SPPL3: variants seen among roughly 807,000 people sequenced by gnomAD.
The protein encoded by SPPL3 is signal peptide peptidase-like 3.
A neutral mutation model predicts 42.4 loss-of-function variants in SPPL3; 5 were observed. That is an observed-to-expected ratio of 0.12 (90% CI 0.06 to 0.25). The LOEUF is 0.25. Among genes scored for constraint, SPPL3 ranks in the 10% least tolerant of loss-of-function variants. The probability of loss-of-function intolerance (pLI) is 1.00; values close to 1 mark genes in which losing one functional copy is unlikely to be tolerated. For synonymous variants in SPPL3, 195 were observed against 181.8 expected (o/e 1.07, Z -0.58); for missense variants, 235 against 489.0 (o/e 0.48, Z 4.90).
intron 1 of SPPL3, among the ~76,000 whole-genome samples, chr12:120,879,253 C>G (rs1055146350): frequency 6.6e-6 from 1 of 151,888 alleles, no homozygotes. Context: ...TTTTGAGTTA[C>G]ATCATCACAG....
At chr12:120,894,679 C>T (rs569408997) in intron 1 of SPPL3, among the ~76,000 whole-genome samples, 2 of 152,320 alleles carry the variant, frequency 1.3e-5, no homozygotes, top group South Asian at 4.1e-4. Flanking sequence ...GGCGCAGTGG[C>T]TCATGCCTGT....
intron 6 of SPPL3, among the ~76,000 whole-genome samples, chr12:120,774,996 T>C (rs1353766971): frequency 6.6e-6 from 1 of 152,128 alleles, no homozygotes; most frequent in African/African-American, 2.4e-5. Flanking sequence ...AACCAGTGAG[T>C]CAGGGACAAA....
rs1592974689 is a variant in SPPL3, at chr12:120,811,803, C to T, written c.24-917G>A. 2.0e-5 allele frequency among the ~76,000 whole-genome samples: 3 copies of T among 152,080 alleles called. No homozygotes were observed. The South Asian group carries it at 6.2e-4, about 31-fold the overall frequency. On this transcript the variant is annotated intron_variant, in intron 1 of 10. Transcript: ENST00000353487. The stretch of plus-strand genomic sequence containing the variant: ...TAAATAAGAGTGCCTTGGTCTCTGC[C>T]TAAATGTCTTTTCTAAAGAAATGAA...
chr12:120,864,483 C>T (rs770919338), intron 1 of SPPL3, among the ~76,000 whole-genome samples: 8 of 152,042 alleles, frequency 5.3e-5, no homozygotes, highest in Admixed American at 6.6e-5. Flanking sequence ...TGCAGCGAGC[C>T]GAGATCATGC....
chr12:120,806,844 T>TAAAA (rs766743406), intron 2 of SPPL3, among the ~76,000 whole-genome samples: 3 of 71,880 alleles, frequency 4.2e-5, no homozygotes, highest in Non-Finnish European at 7.5e-5. Flanking sequence ...GAGACTCCAT[T>TAAAA]AAAAAAAAAA....
intron 1 of SPPL3, among the ~76,000 whole-genome samples, chr12:120,865,238 G>A (rs1305584135): frequency 2.0e-5 from 3 of 152,168 alleles, no homozygotes; most frequent in Admixed American, 1.3e-4. Context: ...ACATGAAAAT[G>A]CCACTGTTTC....
At chr12:120,822,536 A>G (rs534039675) in intron 1 of SPPL3, among the ~76,000 whole-genome samples, 1 of 152,174 alleles carries the variant, frequency 6.6e-6, no homozygotes, top group Non-Finnish European at 1.5e-5. Context: ...CTGGGGGCTA[A>G]CCTCTCCTAG....
At chr12:120,854,688 C>G (rs994698330) in intron 1 of SPPL3, among the ~76,000 whole-genome samples, 1 of 152,082 alleles carries the variant, frequency 6.6e-6, no homozygotes, top group South Asian at 2.1e-4. Flanking sequence ...TCAATTGGGT[C>G]TAAAATTCAG....
chr12:120,778,180 G>C (rs1191266263), intron 6 of SPPL3, among the ~76,000 whole-genome samples: 2 of 126,338 alleles, frequency 1.6e-5, no homozygotes, highest in South Asian at 2.6e-4. Flanking sequence ...GCAGTGGTGT[G>C]ATCTCGGCTC....
chr12:120,799,788 T>C (rs912837782), intron 2 of SPPL3, among the ~76,000 whole-genome samples: 3 of 152,178 alleles, frequency 2.0e-5, no homozygotes, highest in Admixed American at 1.3e-4. Flanking sequence ...GCTGGGAAGA[T>C]TCATATCTTC....
chr12:120,836,578 C>A (rs1871629076), intron 1 of SPPL3, among the ~76,000 whole-genome samples: 1 of 152,132 alleles, frequency 6.6e-6, no homozygotes, highest in Non-Finnish European at 1.5e-5. Context: ...AAATGCAGAT[C>A]TGAAGAATCA....
chr12:120,811,064 G>T, intron 1 of SPPL3, 178 bp from the exon 2 acceptor site: 1 of 490,356 alleles, frequency 2.0e-6, no homozygotes, highest in Non-Finnish European at 3.6e-6. Flanking sequence ...AGTTTAACAT[G>T]AAGAATAAAT....
intron 1 of SPPL3, among the ~76,000 whole-genome samples, chr12:120,858,371 G>T (rs1306301487): frequency 6.6e-6 from 1 of 151,630 alleles, no homozygotes. Context: ...GAGGCAGGAC[G>T]CTTGAACCCG....
chr12:120,802,335 A>ATATG (rs201825056), intron 2 of SPPL3, among the ~76,000 whole-genome samples: 9,201 of 147,372 alleles, frequency 0.062, 546 homozygotes, highest in African/African-American at 0.15. Context: ...CTGCTTTTAT[A>ATATG]TATGTATGTA....
chr12:120,862,040 T>C (rs764943576), intron 1 of SPPL3, among the ~76,000 whole-genome samples: 6 of 152,154 alleles, frequency 3.9e-5, no homozygotes, highest in Non-Finnish European at 8.8e-5. Flanking sequence ...GAAAATAATG[T>C]CCACAGTGTC....
At chr12:120,873,365 A>G (rs982020401) in intron 1 of SPPL3, among the ~76,000 whole-genome samples, 10 of 152,184 alleles carry the variant, frequency 6.6e-5, no homozygotes, top group Non-Finnish European at 1.0e-4. Context: ...GCAAAAGGGA[A>G]AGCAGAAAAA....
At chr12:120,891,332 T>C (rs959128647) in intron 1 of SPPL3, among the ~76,000 whole-genome samples, 2 of 152,170 alleles carry the variant, frequency 1.3e-5, no homozygotes, top group Admixed American at 1.3e-4. Flanking sequence ...TTATGCCTAT[T>C]CCAGATGACG....
chr12:120,784,071 C>T (rs1869632276), intron 4 of SPPL3: 1 of 277,812 alleles, frequency 3.6e-6, no homozygotes, highest in East Asian at 7.6e-5. Flanking sequence ...CATCAAAGAG[C>T]TGACAGTCCA....
intron 1 of SPPL3, among the ~76,000 whole-genome samples, chr12:120,864,265 T>C (rs2137044666): frequency 1.3e-5 from 2 of 152,340 alleles, no homozygotes; most frequent in African/African-American, 4.8e-5. Context: ...CCAGGCCCAG[T>C]GGCTCATGCC....
Sources: gnomAD v4.1 joint callset for allele counts (sites outside exome capture counted in the v4.1 genomes callset) on GRCh38, gnomAD v4.1.1 for gene constraint, MANE v1.5 for transcripts, NCBI Gene and HGNC (gene_info 2026-07-23, HGNC 2026-07-21) for gene names.